Variants in DHX9 observed in about 807,000 individuals in gnomAD.
DHX9 encodes the protein ATP-dependent RNA helicase A.
Under a neutral mutation model 148.7 loss-of-function variants are expected in DHX9, and 27 were observed. The observed-to-expected ratio is 0.18, with a 90% CI of 0.13 to 0.25. DHX9 has a LOEUF of 0.25. Among genes scored for constraint, DHX9 ranks in the 10% least tolerant of loss-of-function variants. The pLI, the probability that DHX9 is intolerant of heterozygous loss-of-function variation, is 1.00. For missense variants in DHX9, 796 were observed against 1,559.6 expected (o/e 0.51, Z 8.25); for synonymous variants, 529 against 516.6 (o/e 1.02, Z -0.33).
In DHX9 at chr1:182,844,591, G is replaced by A. The variant is rs143944777; in HGVS notation, c.252+1157G>A. ...GACGGAGTCTTGCTCTGTTACCTAG[G>A]GTGGAGTGCAGTGCTCACTGCAACC... On this transcript the variant is annotated intron_variant, in intron 3 of 27. Transcript: ENST00000367549. Among the ~76,000 whole-genome samples, 5 of 152,120 alleles carry A rather than the reference G, an allele frequency of 3.3e-5. No homozygotes were observed. The East Asian group carries it at 9.7e-4, about 29-fold the overall frequency.
chr1:182,882,969 C>T (rs1649154989), intron 24 of DHX9, among the ~76,000 whole-genome samples, 170 bp from the exon 25 acceptor site: 1 of 151,362 alleles, frequency 6.6e-6, no homozygotes, highest in African/African-American at 2.4e-5. Flanking sequence ...TAACATTACT[C>T]CTTGAACTTA....
At chr1:182,853,654 C>G (rs1194603002) in intron 5 of DHX9, among the ~76,000 whole-genome samples, 1 of 152,074 alleles carries the variant, frequency 6.6e-6, no homozygotes, top group Non-Finnish European at 1.5e-5. Flanking sequence ...ATAAAAAGAT[C>G]TCCTCTTCAG....
Position 182,874,951 on chromosome 1 carries a change from T to C in DHX9, c.1812T>C (p.Asp604=). ...AGGATGATGATGGTGGTGAGGATGA[T>C]GATGTAAGTGAATTTCATGAAGAAT... ...KDKDDDGGED[D]DANCNLICGD... The change falls in exon 16 of 28, where the codon GAT becomes GAC. Residue 604 remains aspartate, a synonymous_variant. Transcript: ENST00000367549. 6.2e-7 allele frequency: 1 copy of C among 1,610,220 alleles called. No homozygotes were observed. Among genetic ancestry groups the C allele is most frequent in the Non-Finnish European group, 8.5e-7 (1 of 1,176,716 alleles).
intron 12 of DHX9, 93 bp downstream of exon 12, chr1:182,860,277 G>C: frequency 7.5e-6 from 8 of 1,068,606 alleles, no homozygotes; most frequent in Non-Finnish European, 1.0e-5. Context: ...TTAAGATTGA[G>C]AGAGCATTGT....
chr1:182,847,570 G>T (rs116657885), intron 3 of DHX9, among the ~76,000 whole-genome samples: 1,820 of 152,282 alleles, frequency 0.012, 32 homozygotes, highest in African/African-American at 0.037. Context: ...GTTAGCCAGA[G>T]ATTTCAATAT....
intron 16 of DHX9, 88 bp downstream of exon 16, chr1:182,875,042 C>A: frequency 3.9e-6 from 4 of 1,029,074 alleles, no homozygotes; most frequent in Non-Finnish European, 6.0e-6. Context: ...AATGTATTAG[C>A]ATTACAGCAA....
intron 13 of DHX9, 37 bp downstream of exon 13, chr1:182,866,622 T>C (rs1468128193): frequency 3.8e-6 from 6 of 1,588,676 alleles, no homozygotes; most frequent in Non-Finnish European, 4.3e-6. Flanking sequence ...TTGGGGTTTA[T>C]ATTGTGGTTG....
chr1:182,852,595 G>A (rs1264142072), intron 4 of DHX9, among the ~76,000 whole-genome samples: 2 of 152,148 alleles, frequency 1.3e-5, no homozygotes, highest in Non-Finnish European at 2.9e-5. Context: ...TTTTCCACAG[G>A]CTAGAATATT....
chr1:182,854,190 T>A lies in DHX9; in HGVS notation c.626+12T>A. The A allele has an allele frequency of 4.4e-6, 7 of 1,578,868 alleles. No individual in the cohort carries two copies. The highest frequency in any genetic ancestry group is 6.0e-6 in the Non-Finnish European group (7 of 1,161,506). ...CCTGATCACAACAGGTTTGCTTGTT[T>A]CATTCTTTTCCTTCTGTAGTAAGTT... On this transcript the variant is annotated intron_variant, in intron 6 of 27. Transcript: ENST00000367549.
chr1:182,860,952 C>T (rs766122994), intron 12 of DHX9, among the ~76,000 whole-genome samples: 3 of 152,170 alleles, frequency 2.0e-5, no homozygotes, highest in Non-Finnish European at 4.4e-5. Context: ...TACATCTTGA[C>T]TTAGAAATTA....
intron 3 of DHX9, 50 bp from the exon 4 acceptor site, chr1:182,852,183 C>T: frequency 1.6e-6 from 2 of 1,214,604 alleles, no homozygotes; most frequent in Non-Finnish European, 2.4e-6. Context: ...ATTTACTAGT[C>T]CCCGTGAAGG....
intron 3 of DHX9, 35 bp downstream of exon 3, chr1:182,843,469 TTG>T: frequency 6.6e-7 from 1 of 1,512,670 alleles, no homozygotes; most frequent in Non-Finnish European, 8.8e-7. Context: ...GAGATGTATG[TTG>T]TAAAGTTGTA....
intron 3 of DHX9, among the ~76,000 whole-genome samples, chr1:182,847,017 C>G (rs1668044396): frequency 6.6e-6 from 1 of 152,032 alleles, no homozygotes; most frequent in South Asian, 2.1e-4. Flanking sequence ...CAGTGTATTT[C>G]AGACACTACC....
chr1:182,876,962 C>T, intron 19 of DHX9, 59 bp downstream of exon 19: 4 of 1,258,012 alleles, frequency 3.2e-6, no homozygotes, highest in Non-Finnish European at 4.6e-6. Context: ...AACTTCTTAC[C>T]AGTTAACAGA....
chr1:182,854,216 A>G, intron 6 of DHX9, 38 bp downstream of exon 6: 1 of 1,551,210 alleles, frequency 6.4e-7, no homozygotes, highest in Non-Finnish European at 8.7e-7. Context: ...GTAGTAAGTT[A>G]AGGTGGTTTT....
At chr1:182,876,654 A>G (rs865996099) in intron 18 of DHX9, 113 bp downstream of exon 18, 2 of 1,038,822 alleles carry the variant, frequency 1.9e-6, no homozygotes, top group African/African-American at 1.6e-5. Flanking sequence ...ATTGAGGAAG[A>G]AAAAAGGAGT....
rs1649379477 is a variant in DHX9 at position 182,887,343 on chromosome 1, A to G, written c.3722A>G (p.Tyr1241Cys). ...GACTACAGAGGGCCTAGTGGAGGCT[A>G]CAGAGGATCTGGGGGATTCCAGCGA... ...GGDYRGPSGG[Y>C]RGSGGFQRGG... Residue 1241 changes from tyrosine (Y) to cysteine (C), a missense_variant, in exon 28 of 28, where the codon TAC becomes TGC. By Grantham distance (194) the Tyr-to-Cys change is radical. Around this residue, in one of 14 missense-constraint regions of DHX9, gnomAD observed 98 missense variants for 105.5 expected, o/e 0.93. Coordinates refer to ENST00000367549, the MANE Select transcript of DHX9 (RefSeq NM_001357.5). 2.5e-6 allele frequency: 4 copies of G among 1,614,048 alleles called. No homozygotes were observed. The highest frequency in any genetic ancestry group is 2.7e-5 in the African/African-American group (2 of 74,922).
chr1:182,867,853 C>T (rs1426347454), intron 14 of DHX9, among the ~76,000 whole-genome samples: 1 of 152,172 alleles, frequency 6.6e-6, no homozygotes, highest in African/African-American at 2.4e-5. Context: ...TGTGTAAAAT[C>T]AACTTGCTAT....
rs550358785 is a variant in DHX9, at chr1:182,879,804, C to A, written c.2512+394C>A. Among the ~76,000 whole-genome samples the A allele has an allele frequency of 7.3e-4, 111 of 152,248 alleles. 1 individual carries two copies. The South Asian group carries it at 0.021, about 29-fold the overall frequency. On this transcript the variant is annotated intron_variant, in intron 21 of 27. Transcript: ENST00000367549. The stretch of plus-strand genomic sequence containing the variant: ...GCAGTGGCGTGATCTCAGCTCACTG[C>A]AACCCCCACCTCCCAGGTTCAAGCC...
Sources: allele counts gnomAD v4.1 joint callset (sites outside exome capture counted in the v4.1 genomes callset), GRCh38; gene constraint gnomAD v4.1.1; regional missense constraint gnomAD v4.1.1; transcripts MANE v1.5; gene names NCBI Gene and HGNC (gene_info 2026-07-23, HGNC 2026-07-21).